PPP4R1: variants seen among roughly 807,000 people sequenced by gnomAD.
PPP4R1 encodes protein phosphatase 4 regulatory subunit 1.
PPP4R1 carries 42 observed loss-of-function variants against 111.2 expected under a neutral mutation model. That is an observed-to-expected ratio of 0.38 (90% CI 0.29 to 0.49). PPP4R1 has a LOEUF of 0.49. PPP4R1 is among the 20% of genes least tolerant of loss of function. The pLI is 0.97. For synonymous variants in PPP4R1, 409 were observed against 405.5 expected, an observed-to-expected ratio of 1.01 and a Z score of -0.10; for missense variants, 1,012 against 1,161.6, an observed-to-expected ratio of 0.87 and a Z score of 1.87.
At chr18:9,568,598 T>G (rs1207175643) in intron 11 of PPP4R1, among the ~76,000 whole-genome samples, 1 of 152,222 alleles carries the variant, frequency 6.6e-6, no homozygotes, top group Non-Finnish European at 1.5e-5. Context: ...AAGAAAAACT[T>G]AGAGCAGTTC....
intron 14 of PPP4R1, among the ~76,000 whole-genome samples, chr18:9,558,124 A>G (rs2066616293): frequency 6.6e-6 from 1 of 152,252 alleles, no homozygotes; most frequent in Non-Finnish European, 1.5e-5. Flanking sequence ...AAATTTTTAC[A>G]TAGTAACTTA....
chr18:9,597,157 G>GTTT, intron 2 of PPP4R1, among the ~76,000 whole-genome samples: 1 of 152,196 alleles, frequency 6.6e-6, no homozygotes, highest in South Asian at 2.1e-4. Context: ...TTAAAAAAAA[G>GTTT]ATAAAACATA....
At chr18:9,565,385 AG>A (rs1156295331) in intron 11 of PPP4R1, among the ~76,000 whole-genome samples, 9 of 152,224 alleles carry the variant, frequency 5.9e-5, no homozygotes, top group Admixed American at 3.9e-4. Context: ...AGCCCCTAAG[AG>A]TTCAAGTGAA....
At chr18:9,612,686 C>CAA (rs2067602395) in intron 2 of PPP4R1, 1 of 152,180 alleles carries the variant, frequency 6.6e-6, no homozygotes, top group South Asian at 2.1e-4. Context: ...GCCATTTCTC[C>CAA]AATCCTAACC....
chr18:9,573,811 A>T (rs2066897664), intron 10 of PPP4R1, among the ~76,000 whole-genome samples: 1 of 152,160 alleles, frequency 6.6e-6, no homozygotes, highest in Non-Finnish European at 1.5e-5. Context: ...CAGCTGCAAA[A>T]ATGAACGGAG....
At chr18:9,606,226 G>C (rs2067479177) in intron 2 of PPP4R1, among the ~76,000 whole-genome samples, 1 of 152,186 alleles carries the variant, frequency 6.6e-6, no homozygotes, top group African/African-American at 2.4e-5. Context: ...GAATAAAAAT[G>C]TTACAGACCT....
chr18:9,570,804 C>G (rs1037146928), intron 10 of PPP4R1, 121 bp from the exon 11 acceptor site: 4 of 1,051,998 alleles, frequency 3.8e-6, no homozygotes, highest in Non-Finnish European at 3.9e-6. Context: ...TACGGATTAT[C>G]TGTACAAACT....
At chr18:9,600,763 C>T (rs2145296287) in intron 2 of PPP4R1, among the ~76,000 whole-genome samples, 1 of 152,212 alleles carries the variant, frequency 6.6e-6, no homozygotes, top group African/African-American at 2.4e-5. Context: ...CACCTGTGAT[C>T]CCTGCTACTT....
Position 9,595,182 on chromosome 18 carries a change from T to C in PPP4R1, c.53-29A>G, listed in dbSNP as rs375494727. The C allele has an allele frequency of 4.9e-5, 78 of 1,605,776 alleles. No homozygotes were observed. In the African/African-American group the frequency reaches 9.9e-4, roughly 20 times the overall value. On this transcript the variant is annotated intron_variant, in intron 2 of 19. Transcript: ENST00000400556. Reference sequence around the variant, plus strand: ...TCAGAGACATCAGAAATACTCCTTATAACACTTTGAAACTAAAATGTACCC... The same window carrying C: ...TCAGAGACATCAGAAATACTCCTTACAACACTTTGAAACTAAAATGTACCC...
intron 2 of PPP4R1, among the ~76,000 whole-genome samples, chr18:9,600,734 A>T (rs1212834618): frequency 6.6e-6 from 1 of 152,086 alleles, no homozygotes; most frequent in Non-Finnish European, 1.5e-5. Context: ...CAAAAATATT[A>T]GCTGGGGGTG....
intron 2 of PPP4R1, chr18:9,613,718 A>C (rs1280032666): frequency 2.0e-5 from 3 of 152,288 alleles, no homozygotes; most frequent in African/African-American, 7.2e-5. Flanking sequence ...CAGGTATGTC[A>C]TCCTCAAACA....
chr18:9,588,594 T>C, intron 5 of PPP4R1, 117 bp downstream of exon 5: 1 of 1,121,294 alleles, frequency 8.9e-7, no homozygotes, highest in Admixed American at 3.0e-5. Flanking sequence ...TTGTCTAAGA[T>C]AAATATTCAT....
At chr18:9,574,915 G>A (rs1219898762) in intron 10 of PPP4R1, among the ~76,000 whole-genome samples, 2 of 152,146 alleles carry the variant, frequency 1.3e-5, no homozygotes, top group African/African-American at 2.4e-5. Context: ...ATGTGATAAC[G>A]AATGCTTATT....
chr18:9,579,697 CT>C (rs1361920720), intron 9 of PPP4R1, among the ~76,000 whole-genome samples: 1 of 152,148 alleles, frequency 6.6e-6, no homozygotes, highest in Non-Finnish European at 1.5e-5. Flanking sequence ...CAAGTACAGA[CT>C]TTTTTCCTTG....
chr18:9,553,494 A>C lies in PPP4R1; in HGVS notation c.2191-72T>G, dbSNP rs1036081083. ...TATTTCTTTTACTAGAGTGCTTAAA[A>C]ACAGACTGTAAGCAATATGGTTAAT... On this transcript the variant is annotated intron_variant, in intron 15 of 19. Transcript: ENST00000400556. 3.2e-6 allele frequency: 3 copies of C among 943,032 alleles called. No homozygotes were observed. The African/African-American group carries it at 5.0e-5, about 16-fold the overall frequency. The allele number at this position is 943,032 out of a possible 1,614,324, so 58.4% of individuals were successfully genotyped here.
intron 12 of PPP4R1, chr18:9,563,138 G>T: frequency 8.4e-7 from 1 of 1,191,920 alleles, no homozygotes; most frequent in Non-Finnish European, 1.1e-6. Context: ...CATTAACATT[G>T]AGTCTACTAA....
rs566549116 is a variant in PPP4R1, at chr18:9,597,345, T to C, written c.53-2192A>G. On this transcript the variant is annotated intron_variant, in intron 2 of 19. Coordinates refer to ENST00000400556, the MANE Select transcript of PPP4R1 (RefSeq NM_001042388.3). ...GACTCCTGGAGTTGAGGAGACAGAG[T>C]TGAGAATTCAGGGAGGCCAAGGCAG... 3.9e-5 allele frequency among the ~76,000 whole-genome samples: 6 copies of C among 151,990 alleles called. No individual in the cohort carries two copies. The South Asian group carries it at 1.0e-3, about 26-fold the overall frequency.
intron 15 of PPP4R1, among the ~76,000 whole-genome samples, chr18:9,555,939 A>T (rs551540860): frequency 6.6e-6 from 1 of 151,612 alleles, no homozygotes; most frequent in Non-Finnish European, 1.5e-5. Flanking sequence ...GATCAAGACC[A>T]TCCTGGCCAA....
chr18:9,562,191 C>T (rs754979236), intron 12 of PPP4R1, 116 bp from the exon 13 acceptor site: 1 of 715,472 alleles, frequency 1.4e-6, no homozygotes, highest in Non-Finnish European at 2.3e-6. Flanking sequence ...ATATAAATTC[C>T]TCATGTTTTT....
Sources: allele counts gnomAD v4.1 joint callset (sites outside exome capture counted in the v4.1 genomes callset), GRCh38; gene constraint gnomAD v4.1.1; transcripts MANE v1.5; gene names NCBI Gene and HGNC (gene_info 2026-07-23, HGNC 2026-07-21).